The following STK39 variants were observed in gnomAD, a reference collection of about 807,000 sequenced individuals.
STK39 encodes the protein serine/threonine kinase 39.
Under a neutral mutation model 77.8 loss-of-function variants are expected in STK39, and 20 were observed. The observed-to-expected ratio is 0.26, with a 90% CI of 0.18 to 0.37. The LOEUF is 0.37. Ranked by LOEUF, STK39 falls within the 10% of genes least tolerant of loss-of-function variation. The pLI, the probability that STK39 is intolerant of heterozygous loss-of-function variation, is 1.00. For synonymous variants in STK39, 246 were observed against 234.1 expected (o/e 1.05, Z -0.47); for missense variants, 479 against 656.5 (o/e 0.73, Z 2.95).
chr2:167,990,191 A>C (rs556884655), intron 16 of STK39, among the ~76,000 whole-genome samples: 1 of 152,348 alleles, frequency 6.6e-6, no homozygotes, highest in South Asian at 2.1e-4. Context: ...AGAAAAAAGA[A>C]GAGCAGAAAA....
At chr2:168,145,819 T>A (rs997065993) in intron 5 of STK39, among the ~76,000 whole-genome samples, 1 of 152,166 alleles carries the variant, frequency 6.6e-6, no homozygotes, top group Non-Finnish European at 1.5e-5. Context: ...CTGCTGGAAG[T>A]ATTTCTATTA....
intron 1 of STK39, among the ~76,000 whole-genome samples, chr2:168,244,858 A>C (rs1263301040): frequency 6.6e-6 from 1 of 152,222 alleles, no homozygotes; most frequent in East Asian, 1.9e-4. Context: ...TTTTGTTCTC[A>C]AATTCCTCAG....
intron 10 of STK39, among the ~76,000 whole-genome samples, chr2:168,108,989 T>TA (rs1392197715): frequency 6.6e-6 from 1 of 152,200 alleles, no homozygotes; most frequent in African/African-American, 2.4e-5. Context: ...TAGGTACTGT[T>TA]ACCACCCTAC....
intron 10 of STK39, among the ~76,000 whole-genome samples, chr2:168,126,313 G>A (rs987506385): frequency 1.3e-5 from 2 of 152,150 alleles, no homozygotes; most frequent in Non-Finnish European, 2.9e-5. Flanking sequence ...AGAGGAGAAT[G>A]GCTGAGATCT....
At chr2:168,246,738 G>A (rs2105289846) in intron 1 of STK39, among the ~76,000 whole-genome samples, 1 of 152,274 alleles carries the variant, frequency 6.6e-6, no homozygotes, top group African/African-American at 2.4e-5. Context: ...ACGACGAGAG[G>A]GTCACGACGG....
At chr2:168,120,258 C>T (rs940443443) in intron 10 of STK39, among the ~76,000 whole-genome samples, 3 of 152,164 alleles carry the variant, frequency 2.0e-5, no homozygotes, top group South Asian at 2.1e-4. Context: ...ATAAATGTGA[C>T]GTAAGCATCT....
At chr2:168,101,116 C>T (rs1042039712) in intron 10 of STK39, among the ~76,000 whole-genome samples, 1 of 152,090 alleles carries the variant, frequency 6.6e-6, no homozygotes, top group Non-Finnish European at 1.5e-5. Context: ...AACAGAAAAC[C>T]AAACACTGCA....
At chr2:168,104,553 G>T (rs1686920029) in intron 10 of STK39, among the ~76,000 whole-genome samples, 1 of 152,154 alleles carries the variant, frequency 6.6e-6, no homozygotes, top group Non-Finnish European at 1.5e-5. Flanking sequence ...ACATGCTTAG[G>T]GGTGGGTAGG....
intron 4 of STK39, among the ~76,000 whole-genome samples, chr2:168,162,919 C>T (rs1354044483): frequency 1.2e-4 from 18 of 151,166 alleles, no homozygotes; most frequent in Non-Finnish European, 2.4e-4. Context: ...CCCAGCTACT[C>T]GGGAGGCTGA....
chr2:168,053,380 C>T (rs938039155), intron 14 of STK39, among the ~76,000 whole-genome samples: 7 of 151,668 alleles, frequency 4.6e-5, no homozygotes, highest in African/African-American at 1.7e-4. Flanking sequence ...TATACAATAA[C>T]ATTTAAAAAA....
chr2:168,071,759 C>T (rs1685946026), intron 12 of STK39, among the ~76,000 whole-genome samples: 1 of 151,658 alleles, frequency 6.6e-6, no homozygotes, highest in African/African-American at 2.4e-5. Context: ...GTCCCAGCTA[C>T]TGGGAGAGGC....
intron 2 of STK39, among the ~76,000 whole-genome samples, chr2:168,180,428 C>T (rs1393872485): frequency 6.7e-6 from 1 of 148,712 alleles, no homozygotes; most frequent in African/African-American, 2.5e-5. Flanking sequence ...TATTTAAATG[C>T]ACACTCCAAA....
intron 16 of STK39, among the ~76,000 whole-genome samples, chr2:167,987,556 A>C (rs1260923845): frequency 6.6e-6 from 1 of 152,230 alleles, no homozygotes; most frequent in African/African-American, 2.4e-5. Flanking sequence ...TCATTTAATA[A>C]GACAGATCAT....
chr2:167,965,749 T>C (rs958264044), intron 16 of STK39, among the ~76,000 whole-genome samples: 4 of 152,244 alleles, frequency 2.6e-5, no homozygotes, highest in African/African-American at 9.6e-5. Flanking sequence ...TGAAGTTACC[T>C]GAATTTTTTA....
intron 2 of STK39, among the ~76,000 whole-genome samples, chr2:168,178,909 G>A (rs1689015907): frequency 6.6e-6 from 1 of 152,296 alleles, no homozygotes; most frequent in East Asian, 1.9e-4. Context: ...TGACCTGTGT[G>A]TGTAAATCCC....
intron 5 of STK39, among the ~76,000 whole-genome samples, chr2:168,143,971 C>T (rs1688063636): frequency 1.3e-5 from 2 of 152,216 alleles, no homozygotes; most frequent in South Asian, 4.1e-4. Flanking sequence ...TTCTGCATGA[C>T]CTTGTTAATG....
intron 14 of STK39, 82 bp from the exon 15 acceptor site, chr2:168,017,177 T>C (rs1684432674): frequency 2.2e-6 from 2 of 916,616 alleles, no homozygotes; most frequent in Non-Finnish European, 3.2e-6. Flanking sequence ...TTTCACAAGA[T>C]GCTACTAACA....
chr2:168,202,644 A>G (rs547935170), intron 1 of STK39, among the ~76,000 whole-genome samples: 1 of 152,270 alleles, frequency 6.6e-6, no homozygotes, highest in East Asian at 1.9e-4. Flanking sequence ...CAGCCCAAAG[A>G]TAACGACTTC....
At chr2:168,097,743 A>C (rs528975218) in intron 10 of STK39, among the ~76,000 whole-genome samples, 69 of 148,550 alleles carry the variant, frequency 4.6e-4, no homozygotes, top group African/African-American at 1.7e-3. Flanking sequence ...CAAAAACAAA[A>C]AAAAAAAAAA....
Sources: gnomAD v4.1 joint callset for allele counts (sites outside exome capture counted in the v4.1 genomes callset) on GRCh38, gnomAD v4.1.1 for gene constraint, MANE v1.5 for transcripts, NCBI Gene and HGNC (gene_info 2026-07-23, HGNC 2026-07-21) for gene names.